PHKB: variants seen among roughly 807,000 people sequenced by gnomAD.
The protein encoded by PHKB is phosphorylase kinase regulatory subunit beta, also known as phosphorylase b kinase regulatory subunit beta.
Under a neutral mutation model 152.1 loss-of-function variants are expected in PHKB, and 122 were observed. The ratio of observed to expected loss-of-function variants is 0.80; its 90% CI spans 0.69 to 0.93. PHKB has a LOEUF of 0.93. Among genes scored for constraint, PHKB ranks in the 40% least tolerant of loss-of-function variants. The pLI is 0.00. For missense variants in PHKB, 1,304 were observed against 1,328.4 expected (o/e 0.98, Z 0.29); for synonymous variants, 436 against 464.9 (o/e 0.94, Z 0.80).
intron 13 of PHKB, among the ~76,000 whole-genome samples, chr16:47,605,275 G>A (rs1445173842): frequency 1.3e-5 from 2 of 152,170 alleles, no homozygotes; most frequent in Non-Finnish European, 2.9e-5. Context: ...CAGTCTATGA[G>A]TTTATACATG....
intron 8 of PHKB, among the ~76,000 whole-genome samples, chr16:47,587,162 T>C (rs1971948588): frequency 6.6e-6 from 1 of 152,212 alleles, no homozygotes; most frequent in Admixed American, 6.5e-5. Flanking sequence ...CCTGATGTGG[T>C]GAATATTTGT....
intron 7 of PHKB, among the ~76,000 whole-genome samples, chr16:47,563,796 C>T (rs1971516646): frequency 6.6e-6 from 1 of 151,960 alleles, no homozygotes; most frequent in East Asian, 1.9e-4. Flanking sequence ...AATTATTTAT[C>T]CCTCAGCCCC....
At chr16:47,530,622 A>G (rs1162595636) in intron 6 of PHKB, among the ~76,000 whole-genome samples, 2 of 152,242 alleles carry the variant, frequency 1.3e-5, no homozygotes, top group Non-Finnish European at 2.9e-5. Context: ...AAGTCATTAA[A>G]AATATAGTTG....
chr16:47,636,759 A>G (rs1255239418), intron 14 of PHKB, among the ~76,000 whole-genome samples: 1 of 152,160 alleles, frequency 6.6e-6, no homozygotes, highest in African/African-American at 2.4e-5. Context: ...CCTTGGCACA[A>G]ACAGCCTGGG....
chr16:47,510,522 C>T, intron 4 of PHKB, among the ~76,000 whole-genome samples: 1 of 152,108 alleles, frequency 6.6e-6, no homozygotes, highest in East Asian at 1.9e-4. Flanking sequence ...GTTCTTGGAG[C>T]CGTGTGCCCA....
At chr16:47,549,245 C>T (rs1971228962) in intron 7 of PHKB, among the ~76,000 whole-genome samples, 1 of 152,146 alleles carries the variant, frequency 6.6e-6, no homozygotes, top group East Asian at 1.9e-4. Context: ...GAAATTTGAT[C>T]TGATAAGATG....
intron 27 of PHKB, 45 bp downstream of exon 27, chr16:47,689,220 AT>A: frequency 6.3e-7 from 1 of 1,579,066 alleles, no homozygotes; most frequent in Non-Finnish European, 8.7e-7. Context: ...TGGATTTACA[AT>A]AACATCATAA....
At chr16:47,627,460 C>T (rs539268747) in intron 14 of PHKB, among the ~76,000 whole-genome samples, 85 of 152,308 alleles carry the variant, frequency 5.6e-4, no homozygotes, top group Non-Finnish European at 9.8e-4. Flanking sequence ...ACAAAGCGTT[C>T]GGTATTCTCT....
chr16:47,678,158 C>G (rs1973771374), intron 26 of PHKB, among the ~76,000 whole-genome samples: 1 of 151,958 alleles, frequency 6.6e-6, no homozygotes, highest in Non-Finnish European at 1.5e-5. Context: ...TTTTCTTAAT[C>G]CAGTCTATCA....
At chr16:47,511,640 T>C (rs1970511139) in intron 4 of PHKB, 25 bp from the exon 5 acceptor site, 5 of 1,428,082 alleles carry the variant, frequency 3.5e-6, no homozygotes, top group Non-Finnish European at 5.0e-6. Flanking sequence ...TTACTAATGT[T>C]GTTTAATTTT....
chr16:47,578,135 A>T (rs1971780461), intron 7 of PHKB, among the ~76,000 whole-genome samples: 2 of 152,122 alleles, frequency 1.3e-5, no homozygotes, highest in African/African-American at 2.4e-5. Context: ...TTTTATTTAC[A>T]CTATTATATT....
At chr16:47,546,408 C>T (rs1027017218) in intron 6 of PHKB, among the ~76,000 whole-genome samples, 2 of 152,162 alleles carry the variant, frequency 1.3e-5, no homozygotes, top group African/African-American at 4.8e-5. Context: ...CTGGGTATCA[C>T]CAGTGGAGGC....
intron 7 of PHKB, among the ~76,000 whole-genome samples, chr16:47,559,700 A>G (rs1301892208): frequency 6.6e-6 from 1 of 152,044 alleles, no homozygotes; most frequent in Non-Finnish European, 1.5e-5. Flanking sequence ...GTTAGGTGGG[A>G]GCTGTTTTCC....
intron 1 of PHKB, chr16:47,462,247 T>A (rs531905259): frequency 4.6e-5 from 7 of 152,348 alleles, no homozygotes; most frequent in African/African-American, 1.7e-4. Context: ...CTAAGGAGCT[T>A]CCCTTTTAAA....
chr16:47,572,159 C>A (rs1971671623), intron 7 of PHKB, among the ~76,000 whole-genome samples: 1 of 152,182 alleles, frequency 6.6e-6, no homozygotes, highest in Non-Finnish European at 1.5e-5. Flanking sequence ...AGGGAGGGGA[C>A]TTTGTGTGAG....
intron 1 of PHKB, among the ~76,000 whole-genome samples, chr16:47,465,289 T>C (rs1969648807): frequency 1.3e-5 from 2 of 152,242 alleles, no homozygotes; most frequent in African/African-American, 4.8e-5. Context: ...TCTTGGCTTT[T>C]CTACTAAGAA....
intron 6 of PHKB, 89 bp downstream of exon 6, chr16:47,515,690 A>C: frequency 1.4e-6 from 1 of 713,062 alleles, no homozygotes; most frequent in Non-Finnish European, 2.5e-6. Context: ...TTTTTAGTTT[A>C]TGTAAAATGT....
At chr16:47,596,600 T>A in intron 13 of PHKB, 69 bp downstream of exon 13, 1 of 1,453,716 alleles carries the variant, frequency 6.9e-7, no homozygotes, top group Non-Finnish European at 9.6e-7. Context: ...AATATGCCTT[T>A]GCTGGTGTTT....
chr16:47,631,126 TTTC>T (rs1046473060), intron 14 of PHKB, among the ~76,000 whole-genome samples: 1 of 152,138 alleles, frequency 6.6e-6, no homozygotes, highest in Admixed American at 6.5e-5. Flanking sequence ...GATAAATCTC[TTTC>T]TTCTTCTTCC....
Sources: gnomAD v4.1 joint callset for allele counts (sites outside exome capture counted in the v4.1 genomes callset) on GRCh38, gnomAD v4.1.1 for gene constraint, MANE v1.5 for transcripts, NCBI Gene and HGNC (gene_info 2026-07-23, HGNC 2026-07-21) for gene names.